The following ADGRG6 variants were observed in gnomAD, a reference collection of about 807,000 sequenced individuals.
The protein encoded by ADGRG6 is adhesion G protein-coupled receptor G6.
A neutral mutation model predicts 142.4 loss-of-function variants in ADGRG6; 84 were observed. That is an observed-to-expected ratio of 0.59 (90% CI 0.49 to 0.71). The LOEUF is 0.71. Among genes scored for constraint, ADGRG6 ranks in the 30% least tolerant of loss-of-function variants. ADGRG6 has a pLI of 0.00. For synonymous variants in ADGRG6, 521 were observed against 520.5 expected, an observed-to-expected ratio of 1.00 and a Z score of -0.01; for missense variants, 1,367 against 1,466.6, an observed-to-expected ratio of 0.93 and a Z score of 1.11.
chr6:142,382,455 T>G (rs1781816236), intron 5 of ADGRG6, among the ~76,000 whole-genome samples: 1 of 152,218 alleles, frequency 6.6e-6, no homozygotes. Context: ...AGGCAATTTA[T>G]GATGACAAGA....
At chr6:142,402,968 A>G in intron 13 of ADGRG6, 138 bp downstream of exon 13, 1 of 481,452 alleles carries the variant, frequency 2.1e-6, no homozygotes, top group Non-Finnish European at 3.6e-6. Context: ...TTAATAGTGA[A>G]GCAAGGTCAT....
At chr6:142,334,973 G>A (rs1779242403) in intron 2 of ADGRG6, among the ~76,000 whole-genome samples, 1 of 152,132 alleles carries the variant, frequency 6.6e-6, no homozygotes, top group African/African-American at 2.4e-5. Context: ...AATCTTAATA[G>A]AATGAATAAA....
At chr6:142,325,005 G>A (rs1778698376) in intron 2 of ADGRG6, among the ~76,000 whole-genome samples, 1 of 152,068 alleles carries the variant, frequency 6.6e-6, no homozygotes, top group South Asian at 2.1e-4. Flanking sequence ...ATAGAATGAG[G>A]CACAACCATG....
intron 23 of ADGRG6, 25 bp downstream of exon 23, chr6:142,437,560 A>C: frequency 9.5e-7 from 1 of 1,053,298 alleles, no homozygotes; most frequent in Non-Finnish European, 1.5e-6. Flanking sequence ...ATTAAATTTT[A>C]CATCTACAAG....
At chr6:142,336,821 A>G (rs1182671902) in intron 2 of ADGRG6, among the ~76,000 whole-genome samples, 3 of 152,240 alleles carry the variant, frequency 2.0e-5, no homozygotes, top group Non-Finnish European at 2.9e-5. Context: ...ACTCGATCTC[A>G]GATGGATATA....
intron 2 of ADGRG6, among the ~76,000 whole-genome samples, chr6:142,313,746 G>C (rs1777884694): frequency 6.6e-6 from 1 of 152,054 alleles, no homozygotes; most frequent in Non-Finnish European, 1.5e-5. Context: ...AGTAGTATGT[G>C]TTAATTTTTC....
chr6:142,415,017 C>G lies in ADGRG6; in HGVS notation c.2590C>G (p.Leu864Val). ...SQLDARNTKV[L>V]TFISYIGCGI... ...GTTAGATGCAAGAAACACTAAAGTC[C>G]TCACTTTCATCAGCTATATTGGGTG... Residue 864 changes from leucine (L) to valine (V), a missense_variant, in exon 19 of 25, where the codon CTC becomes GTC. Leu to Val is a conservative substitution (Grantham distance 32). Around this residue, in one of 3 missense-constraint regions of ADGRG6, gnomAD observed 286 missense variants for 371.4 expected, o/e 0.77. Coordinates refer to ENST00000367609, the MANE Select transcript of ADGRG6 (RefSeq NM_198569.3). 6.2e-7 allele frequency: 1 copy of G among 1,611,118 alleles called. No homozygotes were observed.
chr6:142,397,519 G>A (rs1198215873), intron 9 of ADGRG6, 94 bp from the exon 10 acceptor site: 4 of 1,103,022 alleles, frequency 3.6e-6, no homozygotes, highest in East Asian at 2.5e-5. Context: ...ACAGGTGATG[G>A]TCATCCCTCT....
In ADGRG6 at chr6:142,397,669, GA is replaced by G; in HGVS notation, c.1486del (p.Ile496SerfsTer7). ...YNATNNTNLE[G>X]KIIQQKLLKN... ...GCTACCAACAATACTAATTTGGAAG[GA>G]AAAATCATTCAGCAGAAGCTCCTAA... On this transcript the variant is annotated frameshift_variant, in exon 10 of 25. Transcript: ENST00000367609. LOFTEE classifies it high-confidence loss of function. The G allele has an allele frequency of 6.2e-7, 1 of 1,607,306 alleles. No individual in the cohort carries two copies. The highest frequency in any genetic ancestry group is 1.7e-5 in the Admixed American group (1 of 59,284).
intron 2 of ADGRG6, among the ~76,000 whole-genome samples, chr6:142,365,413 T>C (rs565406874): frequency 6.6e-6 from 1 of 152,224 alleles, no homozygotes; most frequent in Non-Finnish European, 1.5e-5. Context: ...ATCTCCTATG[T>C]GCCAGAGGTA....
chr6:142,363,225 A>G (rs1364338692), intron 2 of ADGRG6, among the ~76,000 whole-genome samples: 2 of 152,146 alleles, frequency 1.3e-5, no homozygotes. Flanking sequence ...ATTTTGATTT[A>G]TCTCTTGGGA....
chr6:142,411,066 C>G (rs1247886601), intron 17 of ADGRG6, among the ~76,000 whole-genome samples: 1 of 152,064 alleles, frequency 6.6e-6, no homozygotes, highest in African/African-American at 2.4e-5. Context: ...ATTTGTGGAA[C>G]TCTCAAGTTT....
rs766418984 is a variant in ADGRG6, at chr6:142,443,465, T to G, written c.3703T>G (p.Tyr1235Asp). ...TTGCAATGCTCATTCAGACAACTTC[T>G]ATAAAAATATTATCATGTCAGACAC... is the stretch of plus-strand genomic sequence containing the variant. ...GYCNAHSDNF[Y>D]KNIIMSDTFS... Residue 1235 changes from tyrosine (Y) to aspartate (D), a missense_variant, in exon 25 of 25, where the codon TAT becomes GAT. Transcript: ENST00000367609. 2 of 1,612,050 alleles carry G rather than the reference T, an allele frequency of 1.2e-6. No individual in the cohort carries two copies. The highest frequency in any genetic ancestry group is 2.2e-5 in the South Asian group (2 of 90,966).
At chr6:142,342,313 T>C (rs1301829117) in intron 2 of ADGRG6, among the ~76,000 whole-genome samples, 1 of 152,126 alleles carries the variant, frequency 6.6e-6, no homozygotes, top group Non-Finnish European at 1.5e-5. Context: ...AAGATGCATT[T>C]CCACAATGCT....
intron 22 of ADGRG6, among the ~76,000 whole-genome samples, 162 bp from the exon 23 acceptor site, chr6:142,437,272 A>T (rs1253625151): frequency 6.6e-6 from 1 of 152,168 alleles, no homozygotes; most frequent in Non-Finnish European, 1.5e-5. Flanking sequence ...TAAAGGATTA[A>T]AGTGTCTGCT....
chr6:142,317,773 CAT>C (rs1192330589), intron 2 of ADGRG6, among the ~76,000 whole-genome samples: 5 of 80,290 alleles, frequency 6.2e-5, no homozygotes, highest in East Asian at 5.8e-4. Context: ...ATATTTATAT[CAT>C]ATATATTTAT....
At chr6:142,361,683 T>G (rs1430452178) in intron 2 of ADGRG6, among the ~76,000 whole-genome samples, 2 of 152,170 alleles carry the variant, frequency 1.3e-5, no homozygotes, top group Admixed American at 1.3e-4. Context: ...GCAGCTGGAT[T>G]AATCCAGAGT....
At chr6:142,433,007 G>C (rs928589922) in intron 22 of ADGRG6, among the ~76,000 whole-genome samples, 1 of 152,144 alleles carries the variant, frequency 6.6e-6, no homozygotes, top group Non-Finnish European at 1.5e-5. Flanking sequence ...ATAATACCTG[G>C]GTTAATGCTT....
chr6:142,334,658 C>T (rs1397363754), intron 2 of ADGRG6, among the ~76,000 whole-genome samples: 3 of 152,170 alleles, frequency 2.0e-5, no homozygotes, highest in African/African-American at 7.2e-5. Flanking sequence ...GGGTTGCAAT[C>T]AAGGGTCTCT....
Sources: allele counts gnomAD v4.1 joint callset (sites outside exome capture counted in the v4.1 genomes callset), GRCh38; gene constraint gnomAD v4.1.1; regional missense constraint gnomAD v4.1.1; transcripts MANE v1.5; gene names NCBI Gene and HGNC (gene_info 2026-07-23, HGNC 2026-07-21).